NDUFB4: variants seen among roughly 807,000 people sequenced by gnomAD.
NDUFB4 encodes NADH:ubiquinone oxidoreductase subunit B4, also known as NADH dehydrogenase [ubiquinone] 1 beta subcomplex subunit 4.
A neutral mutation model predicts 14.5 loss-of-function variants in NDUFB4; 10 were observed. That is an observed-to-expected ratio of 0.69 (90% CI 0.43 to 1.17). The LOEUF (loss-of-function observed/expected upper bound fraction) is 1.17. NDUFB4 is among the 50% of genes most tolerant of loss of function. NDUFB4 has a pLI of 0.00. For missense variants in NDUFB4, 165 were observed against 161.1 expected, an observed-to-expected ratio of 1.02 and a Z score of -0.13; for synonymous variants, 65 against 63.4, an observed-to-expected ratio of 1.03 and a Z score of -0.12.
intron 1 of NDUFB4, among the ~76,000 whole-genome samples, chr3:120,597,709 C>T (rs572123196): frequency 1.3e-5 from 2 of 152,274 alleles, no homozygotes; most frequent in African/African-American, 4.8e-5. Flanking sequence ...AAATTCTAAC[C>T]CTGGTTTGTG....
intron 1 of NDUFB4, 162 bp downstream of exon 1, chr3:120,596,701 C>G: frequency 1.3e-6 from 1 of 780,064 alleles, no homozygotes; most frequent in Non-Finnish European, 2.0e-6. Flanking sequence ...CAGAGCTTGG[C>G]CCTCGAGAGG....
Position 120,596,537 on chromosome 3 carries a change from A to G in NDUFB4, c.178A>G (p.Ile60Val). The change falls in exon 1 of 3, where the codon ATC becomes GTC. Residue 60 changes from isoleucine to valine, a missense_variant and splice_region_variant. By Grantham distance (29) the Ile-to-Val change is conservative (BLOSUM62 3). Coordinates refer to ENST00000184266, the MANE Select transcript of NDUFB4 (RefSeq NM_004547.6). ...QYNDPNRRGL[I>V]ENPALLRWAY... The stretch of plus-strand genomic sequence containing the variant: ...CAACGATCCCAACCGCCGAGGGCTC[A>G]TCGTGAGTGTGGGGCCTCCCAGGCG... 6.2e-7 allele frequency: 1 copy of G among 1,612,942 alleles called. No homozygotes were observed. The highest frequency in any genetic ancestry group is 1.1e-5 in the South Asian group (1 of 90,898).
chr3:120,596,562 G>C (rs769274567), intron 1 of NDUFB4, 23 bp downstream of exon 1: 1 of 1,610,296 alleles, frequency 6.2e-7, no homozygotes, highest in African/African-American at 1.3e-5. Flanking sequence ...CCTCCCAGGC[G>C]GGAATAGGGC....
intron 1 of NDUFB4, among the ~76,000 whole-genome samples, chr3:120,600,219 T>C (rs929394987): frequency 4.6e-5 from 7 of 150,650 alleles, no homozygotes; most frequent in African/African-American, 1.7e-4. Flanking sequence ...CCTTGTGAAA[T>C]TATTTTAGTC....
chr3:120,597,454 A>G (rs186651817), intron 1 of NDUFB4, among the ~76,000 whole-genome samples: 1 of 152,014 alleles, frequency 6.6e-6, no homozygotes, highest in African/African-American at 2.4e-5. Flanking sequence ...TATGATGTTA[A>G]CAGAACAGGA....
chr3:120,596,875 A>T (rs946465315), intron 1 of NDUFB4, among the ~76,000 whole-genome samples: 1 of 151,334 alleles, frequency 6.6e-6, no homozygotes, highest in South Asian at 2.1e-4. Context: ...GGATTAAATG[A>T]GATAGAGTAT....
intron 1 of NDUFB4, 73 bp from the exon 2 acceptor site, chr3:120,601,038 A>G (rs1559773875): frequency 7.2e-7 from 1 of 1,381,466 alleles, no homozygotes; most frequent in Non-Finnish European, 1.0e-6. Context: ...CTCCTTCACA[A>G]AAGTCCCTAT....
At chr3:120,600,116 T>G (rs1252554727) in intron 1 of NDUFB4, among the ~76,000 whole-genome samples, 2 of 145,010 alleles carry the variant, frequency 1.4e-5, no homozygotes, top group East Asian at 2.2e-4. Flanking sequence ...AAGGTTTTTT[T>G]TTTTGTTTTT....
chr3:120,597,003 CTATA>C (rs1010406521), intron 1 of NDUFB4, among the ~76,000 whole-genome samples: 1 of 143,044 alleles, frequency 7.0e-6, no homozygotes, highest in East Asian at 2.0e-4. Context: ...ATATTATATT[CTATA>C]TATATGCATA....
intron 1 of NDUFB4, among the ~76,000 whole-genome samples, chr3:120,598,201 C>T (rs913234755): frequency 4.6e-5 from 7 of 151,876 alleles, no homozygotes; most frequent in African/African-American, 7.3e-5. Context: ...CACAGATGTG[C>T]GCTACCATGT....
At chr3:120,601,025 G>A (rs1415035869) in intron 1 of NDUFB4, 86 bp from the exon 2 acceptor site, 2 of 1,183,228 alleles carry the variant, frequency 1.7e-6, no homozygotes, top group African/African-American at 3.1e-5. Context: ...AAATGCGTCT[G>A]TGCTCCTTCA....
intron 1 of NDUFB4, among the ~76,000 whole-genome samples, chr3:120,600,125 T>G (rs1576272453): frequency 6.8e-6 from 1 of 147,736 alleles, no homozygotes; most frequent in East Asian, 2.1e-4. Context: ...TTTTTTGTTT[T>G]TTTTTTTTTT....
intron 1 of NDUFB4, 146 bp downstream of exon 1, chr3:120,596,685 C>G (rs1939962302): frequency 1.1e-6 from 1 of 919,620 alleles, no homozygotes; most frequent in Non-Finnish European, 1.6e-6. Flanking sequence ...ACCCTTTTAC[C>G]TTTGCCAGAG....
intron 1 of NDUFB4, chr3:120,600,865 TA>T: frequency 2.2e-6 from 1 of 451,686 alleles, no homozygotes; most frequent in Non-Finnish European, 3.9e-6. Flanking sequence ...GATTCTTAAA[TA>T]AACAGAAAGC....
At chr3:120,597,645 A>G (rs1202666995) in intron 1 of NDUFB4, among the ~76,000 whole-genome samples, 2 of 152,238 alleles carry the variant, frequency 1.3e-5, no homozygotes, top group Admixed American at 6.5e-5. Flanking sequence ...AGAAGACAAC[A>G]TGGGAAGGAC....
At chr3:120,599,942 A>C (rs1940029025) in intron 1 of NDUFB4, among the ~76,000 whole-genome samples, 2 of 151,910 alleles carry the variant, frequency 1.3e-5, no homozygotes, top group South Asian at 4.2e-4. Flanking sequence ...AATAATAAAC[A>C]ATGCTGCAGA....
chr3:120,601,311 G>A (rs1419215997), intron 2 of NDUFB4, 54 bp downstream of exon 2: 1 of 1,606,340 alleles, frequency 6.2e-7, no homozygotes, highest in Admixed American at 1.7e-5. Context: ...ACTTTCTAGG[G>A]ACCAGCTGCA....
In NDUFB4 at chr3:120,601,138, T is replaced by A; in HGVS notation, c.208T>A (p.Tyr70Asn). 3.7e-6 allele frequency: 6 copies of A among 1,613,336 alleles called. No individual in the cohort carries two copies. The highest frequency in any genetic ancestry group is 5.1e-6 in the Non-Finnish European group (6 of 1,179,860). The change falls in exon 2 of 3, where the codon TAT becomes AAT. Residue 70 changes from tyrosine (Y) to asparagine (N), a missense_variant. Physicochemically the swap from Tyr to Asn is moderately radical, Grantham distance 143 (BLOSUM62 -2). Transcript: ENST00000184266. ...AAATCCTGCCTTGCTTCGTTGGGCC[T>A]ATGCAAGAACAATAAATGTCTATCC... ...IENPALLRWAYARTINVYPNF... is the reference protein window; with the variant it reads ...IENPALLRWANARTINVYPNF...
At position 120,601,298 on chromosome 3, in the gene NDUFB4, T is replaced by C. The variant is rs532057093; in HGVS notation, c.327+41T>C. The C allele has an allele frequency of 1.3e-5, 21 of 1,610,404 alleles. No individual in the cohort carries two copies. The Admixed American group carries it at 3.6e-4, about 27-fold the overall frequency. On this transcript the variant is annotated intron_variant, in intron 2 of 2. Coordinates refer to ENST00000184266, the MANE Select transcript of NDUFB4 (RefSeq NM_004547.6). ...AGATGTTTAGTATTTGAGTGATAGGTTCACTTTCTAGGGACCAGCTGCAGC... is the reference window on the plus strand; with the variant it reads ...AGATGTTTAGTATTTGAGTGATAGGCTCACTTTCTAGGGACCAGCTGCAGC...
Sources: gnomAD v4.1 joint callset for allele counts (sites outside exome capture counted in the v4.1 genomes callset) on GRCh38, gnomAD v4.1.1 for gene constraint, MANE v1.5 for transcripts, NCBI Gene and HGNC (gene_info 2026-07-23, HGNC 2026-07-21) for gene names.